UBR3: variants seen among roughly 807,000 people sequenced by gnomAD.
The protein encoded by UBR3 is ubiquitin protein ligase E3 component n-recognin 3.
UBR3 carries 85 observed loss-of-function variants against 243.2 expected under a neutral mutation model. The ratio of observed to expected loss-of-function variants is 0.35; its 90% confidence interval spans 0.29 to 0.42. The LOEUF is 0.42. Among genes scored for constraint, UBR3 ranks in the 10% least tolerant of loss-of-function variants. UBR3 has a pLI of 1.00. For synonymous variants in UBR3, 748 were observed against 799.8 expected (o/e 0.94, Z 1.09); for missense variants, 1,686 against 2,300.8 (o/e 0.73, Z 5.47).
chr2:169,942,464 C>T (rs769641499), intron 19 of UBR3, 29 bp from the exon 20 acceptor site: 2 of 1,522,588 alleles, frequency 1.3e-6, no homozygotes, highest in South Asian at 1.3e-5. Context: ...AGGCTATCAT[C>T]TAATTCTAGT....
chr2:169,898,896 T>C (rs2084699891), intron 8 of UBR3, among the ~76,000 whole-genome samples: 1 of 150,178 alleles, frequency 6.7e-6, no homozygotes, highest in Admixed American at 6.7e-5. Flanking sequence ...AGAGACGGGG[T>C]TTCACCGTGT....
chr2:169,843,536 C>T (rs2082367406), intron 1 of UBR3, among the ~76,000 whole-genome samples: 2 of 152,178 alleles, frequency 1.3e-5, no homozygotes, highest in Non-Finnish European at 1.5e-5. Flanking sequence ...AGTTACAAAC[C>T]TGAGTTTTGG....
chr2:169,919,305 C>T (rs916720792), intron 11 of UBR3, among the ~76,000 whole-genome samples: 1 of 152,136 alleles, frequency 6.6e-6, no homozygotes. Context: ...AGTAAGACTA[C>T]CTTCTGGCAG....
chr2:169,973,668 C>T (rs1328989744), intron 24 of UBR3, among the ~76,000 whole-genome samples: 4 of 152,184 alleles, frequency 2.6e-5, no homozygotes, highest in African/African-American at 9.7e-5. Flanking sequence ...TTGACTTCCT[C>T]CTTTTCCATT....
chr2:169,914,347 G>A (rs2085369816), intron 11 of UBR3, among the ~76,000 whole-genome samples: 1 of 152,216 alleles, frequency 6.6e-6, no homozygotes, highest in African/African-American at 2.4e-5. Flanking sequence ...AGGAGATTCT[G>A]GAGCGCACTA....
chr2:170,073,454 C>T lies in UBR3; in HGVS notation c.5046C>T (p.Ala1682=), dbSNP rs2091742616. ...AAGAAGAAGAATTTTCAGTTCTTGC[C>T]AGCTGCCTGGGACTTCTGCCAACGT... ...CQEEEEFSVL[A]SCLGLLPTFY... The change falls in exon 36 of 39, where the codon GCC becomes GCT. Residue 1682 remains alanine (A), a synonymous_variant. Transcript: ENST00000272793. 6.2e-7 allele frequency: 1 copy of T among 1,613,442 alleles called. No homozygotes were observed. The highest frequency in any genetic ancestry group is 8.5e-7 in the Non-Finnish European group (1 of 1,179,618).
At chr2:169,829,812 AGTACACACACACACAC>A (rs770084506) in intron 1 of UBR3, among the ~76,000 whole-genome samples, 2 of 128,902 alleles carry the variant, frequency 1.6e-5, no homozygotes, top group African/African-American at 6.2e-5. Context: ...ATAGCTAAAA[AGTACACACACACACAC>A]ACACACACAC....
chr2:169,915,913 C>T (rs2085445357), intron 11 of UBR3, among the ~76,000 whole-genome samples: 1 of 152,058 alleles, frequency 6.6e-6, no homozygotes, highest in Non-Finnish European at 1.5e-5. Context: ...AATGAGAGCC[C>T]CTTTAAGCTT....
At chr2:169,976,930 A>G (rs577627962) in intron 24 of UBR3, among the ~76,000 whole-genome samples, 2 of 151,932 alleles carry the variant, frequency 1.3e-5, no homozygotes, top group African/African-American at 4.8e-5. Flanking sequence ...TTTCCCCCTC[A>G]AGTAATTTTA....
chr2:169,998,193 T>G (rs1323369565), intron 26 of UBR3, among the ~76,000 whole-genome samples: 1 of 152,210 alleles, frequency 6.6e-6, no homozygotes, highest in Admixed American at 6.5e-5. Context: ...CAACACCAAA[T>G]AGAAAACTTT....
rs149287263 is a variant in UBR3 at position 170,006,932 on chromosome 2, A to G, written c.4030-58A>G. On this transcript the variant is annotated intron_variant, in intron 27 of 38. Coordinates refer to ENST00000272793, the MANE Select transcript of UBR3 (RefSeq NM_172070.4). ...AATTTACTATAAAATGGGTGGTATA[A>G]TTTTTGTTTTCTATGAATGTGTATA... 5.4e-4 allele frequency: 783 copies of G among 1,457,912 alleles called. 5 individuals carry two copies. The African/African-American group carries it at 9.9e-3, about 19-fold the overall frequency. 90.3% of individuals were successfully genotyped at this position (1,457,912 alleles called of 1,614,324 possible).
chr2:170,044,100 G>A (rs1423188884), intron 32 of UBR3, among the ~76,000 whole-genome samples: 1 of 152,068 alleles, frequency 6.6e-6, no homozygotes, highest in Admixed American at 6.6e-5. Context: ...GGGGAGATAA[G>A]GAGTTATTAA....
chr2:169,961,094 G>A (rs964232891), intron 24 of UBR3, among the ~76,000 whole-genome samples: 2 of 151,578 alleles, frequency 1.3e-5, no homozygotes, highest in Non-Finnish European at 2.9e-5. Context: ...AAATTTTATT[G>A]TAGCAAGAAC....
chr2:169,881,883 ATGTG>A (rs1344917519), intron 5 of UBR3, among the ~76,000 whole-genome samples: 1 of 132,146 alleles, frequency 7.6e-6, no homozygotes, highest in South Asian at 2.2e-4. Flanking sequence ...ATATAGGTAT[ATGTG>A]TACATGTATA....
At chr2:169,849,121 C>T (rs573752632) in intron 1 of UBR3, among the ~76,000 whole-genome samples, 2 of 152,282 alleles carry the variant, frequency 1.3e-5, no homozygotes, top group East Asian at 1.9e-4. Context: ...GCCACTTGTC[C>T]GTTCACAGAT....
intron 30 of UBR3, among the ~76,000 whole-genome samples, chr2:170,018,827 T>C (rs371946966): frequency 9.9e-5 from 15 of 152,200 alleles, no homozygotes; most frequent in African/African-American, 3.6e-4. Context: ...ATTAAAAATA[T>C]TAAGCTTACT....
At chr2:170,037,526 C>T (rs2090864465) in intron 31 of UBR3, among the ~76,000 whole-genome samples, 2 of 151,824 alleles carry the variant, frequency 1.3e-5, no homozygotes, top group South Asian at 4.2e-4. Context: ...TAGCTGGGAC[C>T]ACAGGTGCAC....
At chr2:170,006,945 A>T (rs144548936) in intron 27 of UBR3, 45 bp from the exon 28 acceptor site, 1 of 1,560,396 alleles carries the variant, frequency 6.4e-7, no homozygotes, top group East Asian at 2.3e-5. Context: ...TTTGTTTTCT[A>T]TGAATGTGTA....
Position 169,895,221 on chromosome 2 carries a change from A to C in UBR3, c.1146A>C (p.Leu382=), listed in dbSNP as rs934039937. The C allele has an allele frequency of 6.5e-7, 1 of 1,538,772 alleles. No individual in the cohort carries two copies. Among genetic ancestry groups the C allele is most frequent in the African/African-American group, 1.4e-5 (1 of 71,984 alleles). The change falls in exon 7 of 39, where the codon CTA becomes CTC. Residue 382 remains leucine, a synonymous_variant. Transcript: ENST00000272793. The part of the protein sequence containing the change: ...IMDVLKHKSF[L]EELLFWTIKY... ...ATGTTTTGAAGCATAAAAGCTTCCT[A>C]GAAGAACTATTATTTTGGACTATAA...
Sources: gnomAD v4.1 joint callset for allele counts (sites outside exome capture counted in the v4.1 genomes callset) on GRCh38, gnomAD v4.1.1 for gene constraint, MANE v1.5 for transcripts, NCBI Gene and HGNC (gene_info 2026-07-23, HGNC 2026-07-21) for gene names.